TTC34: variants seen among roughly 807,000 people sequenced by gnomAD.
The protein encoded by TTC34 is tetratricopeptide repeat protein 34.
Under a neutral mutation model 40.7 loss-of-function variants are expected in TTC34, and 44 were observed. The observed-to-expected ratio is 1.08, with a 90% CI of 0.85 to 1.39. The LOEUF is 1.39. Ranked by LOEUF, TTC34 falls within the 40% of genes most tolerant of loss-of-function variation. The probability of loss-of-function intolerance (pLI) is 0.00; values close to 1 mark genes in which losing one functional copy is unlikely to be tolerated. For missense variants in TTC34, 884 were observed against 838.0 expected (o/e 1.05, Z -0.68); for synonymous variants, 422 against 398.6 (o/e 1.06, Z -0.70).
chr1:2,694,903 C>G (rs1415682117), intron 6 of TTC34, among the ~76,000 whole-genome samples: 1 of 64,212 alleles, frequency 1.6e-5, no homozygotes, highest in African/African-American at 4.2e-5. Context: ...CCTGGAACAG[C>G]ACCCACACAC....
chr1:2,783,524 C>T (rs2100620467), intron 6 of TTC34, 85 bp downstream of exon 6: 1 of 1,267,292 alleles, frequency 7.9e-7, no homozygotes, highest in African/African-American at 1.5e-5. Context: ...CTACCCGGCT[C>T]CCTCTCTCCT....
At chr1:2,750,528 C>T (rs1386553265) in intron 6 of TTC34, among the ~76,000 whole-genome samples, 32 of 29,112 alleles carry the variant, frequency 1.1e-3, no homozygotes, top group East Asian at 3.5e-3. Context: ...CCCACATCCC[C>T]AAGCGAGCAT....
intron 2 of TTC34, among the ~76,000 whole-genome samples, chr1:2,797,311 C>CGGGGGGGGGGG (rs1643717999): frequency 1.3e-5 from 2 of 152,092 alleles, no homozygotes; most frequent in African/African-American, 4.8e-5. Flanking sequence ...GGGATGGGGG[C>CGGGGGGGGGGG]TGGGGCACGA....
intron 6 of TTC34, among the ~76,000 whole-genome samples, chr1:2,769,632 C>A (rs1404933811): frequency 1.4e-5 from 2 of 142,920 alleles, no homozygotes; most frequent in Non-Finnish European, 3.0e-5. Flanking sequence ...CACCCACACC[C>A]CCAGGTGAGC....
intron 6 of TTC34, among the ~76,000 whole-genome samples, chr1:2,697,124 C>T (rs1418354816): frequency 8.1e-6 from 1 of 124,214 alleles, no homozygotes; most frequent in Non-Finnish European, 1.7e-5. Flanking sequence ...ACCCTGCACC[C>T]CCAGGTGCGC....
intron 6 of TTC34, among the ~76,000 whole-genome samples, chr1:2,684,882 G>C (rs1570808961): frequency 1.8e-5 from 2 of 111,290 alleles, no homozygotes; most frequent in South Asian, 2.9e-4. Flanking sequence ...CCACACCCCA[G>C]GTGAGCATCT....
intron 2 of TTC34, among the ~76,000 whole-genome samples, chr1:2,799,169 C>T (rs909481939): frequency 1.3e-5 from 2 of 152,120 alleles, no homozygotes; most frequent in East Asian, 3.9e-4. Context: ...CCCCCAGCCT[C>T]CCAGCCTCCC....
intron 6 of TTC34, among the ~76,000 whole-genome samples, chr1:2,777,890 C>G (rs542762196): frequency 6.6e-6 from 1 of 152,174 alleles, no homozygotes; most frequent in Non-Finnish European, 1.5e-5. Flanking sequence ...GAGGAGGTTC[C>G]GGCACCTGTA....
intron 6 of TTC34, among the ~76,000 whole-genome samples, chr1:2,651,970 G>C (rs1048654023): frequency 1.3e-5 from 2 of 151,512 alleles, no homozygotes; most frequent in Non-Finnish European, 2.9e-5. Context: ...CCACCTCTAA[G>C]TGAGCATCTG....
chr1:2,687,325 C>A (rs1557612887), intron 6 of TTC34, among the ~76,000 whole-genome samples: 1 of 128,458 alleles, frequency 7.8e-6, no homozygotes, highest in Non-Finnish European at 1.6e-5. Context: ...GCACCCCAAA[C>A]CCACAGGTGA....
At chr1:2,652,459 C>T (rs1639176270) in intron 6 of TTC34, among the ~76,000 whole-genome samples, 3 of 152,034 alleles carry the variant, frequency 2.0e-5, no homozygotes. Context: ...AGGTGAGCAT[C>T]CGACAGCCTG....
rs1184020118 is a variant in TTC34, at chr1:2,796,209, C to A, written c.784+3835G>T. On this transcript the variant is annotated intron_variant, in intron 2 of 8. Transcript: ENST00000401095. The surrounding 1 kb of genome is among the most constrained non-coding windows in gnomAD (Gnocchi z 4.5). Reference sequence around the variant, plus strand: ...ATTCATTTCTACTCATTATGGATCACCCAGCCCGTGGCATTCTGTCACAGC... The same window carrying A: ...ATTCATTTCTACTCATTATGGATCAACCAGCCCGTGGCATTCTGTCACAGC... Among the ~76,000 whole-genome samples, 3 of 152,168 alleles carry A rather than the reference C, an allele frequency of 2.0e-5. No homozygotes were observed. Among genetic ancestry groups the A allele is most frequent in the Admixed American group, 1.3e-4 (2 of 15,280 alleles).
chr1:2,792,066 G>C (rs1643669743), intron 2 of TTC34, among the ~76,000 whole-genome samples: 1 of 125,152 alleles, frequency 8.0e-6, no homozygotes, highest in African/African-American at 3.0e-5. Flanking sequence ...ACCCAGGCTG[G>C]AGTGCAGTGG....
At chr1:2,760,543 C>G (rs1354104935) in intron 6 of TTC34, among the ~76,000 whole-genome samples, 2 of 40,804 alleles carry the variant, frequency 4.9e-5, no homozygotes, top group African/African-American at 3.9e-4. Flanking sequence ...GAGCATCTGA[C>G]AGCCTGGAGC....
intron 6 of TTC34, among the ~76,000 whole-genome samples, chr1:2,750,631 G>A (rs1265502191): frequency 0.033 from 3,671 of 111,498 alleles, no homozygotes; most frequent in African/African-American, 0.059. Flanking sequence ...TGACAGCCTG[G>A]AGCAGCACCC....
At chr1:2,752,520 C>T (rs1240458859) in intron 6 of TTC34, among the ~76,000 whole-genome samples, 77 of 8,482 alleles carry the variant, frequency 9.1e-3, no homozygotes, top group African/African-American at 0.016. Context: ...CAGCCTGGAG[C>T]AGCACCCACA....
intron 6 of TTC34, among the ~76,000 whole-genome samples, chr1:2,683,544 C>A (rs1351773735): frequency 4.1e-4 from 56 of 136,796 alleles, no homozygotes; most frequent in Non-Finnish European, 6.5e-4. Flanking sequence ...TCTGGAGCAG[C>A]ACCCACAACC....
intron 6 of TTC34, among the ~76,000 whole-genome samples, chr1:2,772,980 C>A (rs1569841532): frequency 1.3e-5 from 2 of 149,520 alleles, no homozygotes; most frequent in Admixed American, 6.6e-5. Flanking sequence ...ATGCACACCC[C>A]CAGGCGAGCA....
chr1:2,688,169 C>A (rs1198977821), intron 6 of TTC34, among the ~76,000 whole-genome samples: 638 of 117,286 alleles, frequency 5.4e-3, no homozygotes, highest in African/African-American at 0.016. Flanking sequence ...CACCCACACC[C>A]CCAGGCGAGC....
Sources: allele counts gnomAD v4.1 joint callset (sites outside exome capture counted in the v4.1 genomes callset), GRCh38; gene constraint gnomAD v4.1.1; non-coding constraint Gnocchi (gnomAD v3.1); transcripts MANE v1.5; gene names NCBI Gene and HGNC (gene_info 2026-07-23, HGNC 2026-07-21).